Variants in CSMD1 observed in about 807,000 individuals in gnomAD.
CSMD1 encodes CUB and sushi domain-containing protein 1.
CSMD1 carries 213 observed loss-of-function variants against 417.5 expected under a neutral mutation model. The observed-to-expected ratio is 0.51, with a 90% CI of 0.46 to 0.57. CSMD1 has a LOEUF of 0.57. Among genes scored for constraint, CSMD1 ranks in the 20% least tolerant of loss-of-function variants. The pLI is 0.00. For synonymous variants in CSMD1, 2,862 were observed against 1,736.8 expected, an observed-to-expected ratio of 1.65 and a Z score of -16.11; for missense variants, 6,923 against 4,529.7, an observed-to-expected ratio of 1.53 and a Z score of -15.17.
chr8:4,933,082 G>A (rs527370014), intron 1 of CSMD1, among the ~76,000 whole-genome samples: 5 of 140,368 alleles, frequency 3.6e-5, no homozygotes, highest in South Asian at 4.5e-4. Context: ...TTTCTTTTGC[G>A]GCTTGAAGTA....
At chr8:3,809,475 T>C (rs960733171) in intron 5 of CSMD1, among the ~76,000 whole-genome samples, 6 of 152,208 alleles carry the variant, frequency 3.9e-5, no homozygotes, top group African/African-American at 1.4e-4. Flanking sequence ...TAGTTCATAC[T>C]GGGCTGCGTG....
rs1220701597 is a variant in CSMD1 at position 4,502,506 on chromosome 8, C to G, written c.303-82441G>C. 2.6e-5 allele frequency among the ~76,000 whole-genome samples: 4 copies of G among 152,116 alleles called. No homozygotes were observed. The East Asian group carries it at 5.8e-4, about 22-fold the overall frequency. On this transcript the variant is annotated intron_variant, in intron 2 of 69. Coordinates refer to ENST00000635120, the MANE Select transcript of CSMD1 (RefSeq NM_033225.6). ...TACCAAATTCTGAGGGCCATGACCACGTCATTCCATGCAAACACACATTAA... is the reference window on the plus strand; with the variant it reads ...TACCAAATTCTGAGGGCCATGACCAGGTCATTCCATGCAAACACACATTAA...
At chr8:3,877,060 C>T (rs1805871344) in intron 5 of CSMD1, among the ~76,000 whole-genome samples, 1 of 152,264 alleles carries the variant, frequency 6.6e-6, no homozygotes, top group South Asian at 2.1e-4. Flanking sequence ...CTGTCGTAAC[C>T]ACAATGTCTT....
chr8:3,953,334 A>G (rs941939833), intron 5 of CSMD1, among the ~76,000 whole-genome samples: 2 of 152,220 alleles, frequency 1.3e-5, no homozygotes, highest in South Asian at 2.1e-4. Context: ...TATATTTTAC[A>G]TAGTATGTAT....
intron 1 of CSMD1, among the ~76,000 whole-genome samples, chr8:4,876,983 C>G (rs1263400433): frequency 6.6e-6 from 1 of 151,830 alleles, no homozygotes; most frequent in Non-Finnish European, 1.5e-5. Flanking sequence ...AAAATATATA[C>G]AATAAGTATA....
chr8:4,595,067 G>A (rs183123747), intron 2 of CSMD1, among the ~76,000 whole-genome samples: 45 of 152,248 alleles, frequency 3.0e-4, no homozygotes, highest in Middle Eastern at 3.4e-3. Flanking sequence ...TGTAAACATA[G>A]GTGTGCCTTT....
Position 3,112,307 on chromosome 8 carries a change from C to A in CSMD1, c.6431-1972G>T, listed in dbSNP as rs567779177. ...GTGCTAGTAATTTAGTGTGGACTTA[C>A]AATGCTAAGGTTTCCCTTTTGCATT... On this transcript the variant is annotated intron_variant, in intron 42 of 69. Coordinates refer to ENST00000635120, the MANE Select transcript of CSMD1 (RefSeq NM_033225.6). 3.3e-5 allele frequency among the ~76,000 whole-genome samples: 5 copies of A among 152,288 alleles called. No homozygotes were observed. The East Asian group carries it at 5.8e-4, about 18-fold the overall frequency.
chr8:4,613,216 T>C (rs1276707091), intron 2 of CSMD1, among the ~76,000 whole-genome samples: 1 of 152,282 alleles, frequency 6.6e-6, no homozygotes, highest in East Asian at 1.9e-4. Flanking sequence ...GAGAAAACAA[T>C]TTGTTGAGTG....
Position 3,062,686 on chromosome 8 carries a change from G to C in CSMD1, c.7475-10039C>G, listed in dbSNP as rs116972821. On this transcript the variant is annotated intron_variant, in intron 49 of 69. Transcript: ENST00000635120. Reference sequence around the variant, plus strand: ...TTCATAACCCAAGGAAGAAAAAAAAGCATTTATGAATTTGAAACAGACAAA... The same window carrying C: ...TTCATAACCCAAGGAAGAAAAAAAACCATTTATGAATTTGAAACAGACAAA... 3.3e-3 allele frequency among the ~76,000 whole-genome samples: 507 copies of C among 151,762 alleles called. 3 individuals are homozygous for C. Among genetic ancestry groups the C allele is most frequent in the Non-Finnish European group, 5.7e-3 (387 of 67,934 alleles).
chr8:3,539,171 G>A (rs776796408), intron 10 of CSMD1, among the ~76,000 whole-genome samples: 100 of 152,224 alleles, frequency 6.6e-4, no homozygotes, highest in Middle Eastern at 3.4e-3. Flanking sequence ...CTGGCCGCAG[G>A]GCTCTTGCAT....
intron 1 of CSMD1, among the ~76,000 whole-genome samples, chr8:4,897,168 G>A (rs1804552454): frequency 6.6e-6 from 1 of 152,064 alleles, no homozygotes; most frequent in Admixed American, 6.5e-5. Flanking sequence ...CCCGAGTGCA[G>A]AAGAGGAAGC....
intron 25 of CSMD1, among the ~76,000 whole-genome samples, chr8:3,303,854 C>G (rs575358978): frequency 6.6e-6 from 1 of 152,124 alleles, no homozygotes. Context: ...TTAAATTTGG[C>G]TCAGGTAACT....
At chr8:4,717,051 G>GA (rs1347188805) in intron 1 of CSMD1, among the ~76,000 whole-genome samples, 1 of 151,548 alleles carries the variant, frequency 6.6e-6, no homozygotes, top group Non-Finnish European at 1.5e-5. Flanking sequence ...ATATCACAAA[G>GA]AAAAATAGGA....
intron 1 of CSMD1, among the ~76,000 whole-genome samples, chr8:4,889,110 T>A (rs1011491246): frequency 1.3e-5 from 2 of 152,102 alleles, no homozygotes; most frequent in Non-Finnish European, 2.9e-5. Context: ...ATATGTGCAA[T>A]GTCCGAAAGT....
At chr8:4,038,768 G>C (rs895226137) in intron 3 of CSMD1, among the ~76,000 whole-genome samples, 1 of 152,170 alleles carries the variant, frequency 6.6e-6, no homozygotes, top group Admixed American at 6.5e-5. Flanking sequence ...AACGTGAAAG[G>C]ATTTCTTGAA....
At chr8:4,245,151 G>C (rs753086326) in intron 3 of CSMD1, among the ~76,000 whole-genome samples, 5 of 152,050 alleles carry the variant, frequency 3.3e-5, no homozygotes, top group African/African-American at 7.2e-5. Flanking sequence ...GAAATGCCTG[G>C]GTTCAGAATC....
intron 3 of CSMD1, among the ~76,000 whole-genome samples, chr8:4,375,217 G>C (rs955323846): frequency 6.6e-6 from 1 of 152,098 alleles, no homozygotes; most frequent in Admixed American, 6.6e-5. Flanking sequence ...CACGGGGATA[G>C]ATAGTTTGGA....
intron 3 of CSMD1, among the ~76,000 whole-genome samples, chr8:4,092,932 C>G (rs1158590956): frequency 6.6e-6 from 1 of 152,018 alleles, no homozygotes; most frequent in African/African-American, 2.4e-5. Flanking sequence ...TTCTCTGAAT[C>G]CTTTATTACT....
intron 3 of CSMD1, among the ~76,000 whole-genome samples, chr8:4,236,071 T>G (rs28653371): frequency 1.7e-5 from 2 of 118,058 alleles, no homozygotes; most frequent in African/African-American, 6.4e-5. Flanking sequence ...TTTTTTTTTG[T>G]AATTTCATTT....
Sources: gnomAD v4.1 joint callset for allele counts (sites outside exome capture counted in the v4.1 genomes callset) on GRCh38, gnomAD v4.1.1 for gene constraint, MANE v1.5 for transcripts, NCBI Gene and HGNC (gene_info 2026-07-23, HGNC 2026-07-21) for gene names.